Variants in XYLT1 observed in about 807,000 individuals in gnomAD.
The protein encoded by XYLT1 is xylosyltransferase 1.
XYLT1 carries 36 observed loss-of-function variants against 91.3 expected under a neutral mutation model. The ratio of observed to expected loss-of-function variants is 0.39; its 90% CI spans 0.30 to 0.52. XYLT1 has a LOEUF of 0.52. Ranked by LOEUF, XYLT1 falls within the 20% of genes least tolerant of loss-of-function variation. The probability of loss-of-function intolerance (pLI) is 0.68; values close to 1 mark genes in which losing one functional copy is unlikely to be tolerated. For missense variants in XYLT1, 1,242 were observed against 1,284.5 expected, an observed-to-expected ratio of 0.97 and a Z score of 0.51; for synonymous variants, 588 against 532.0, an observed-to-expected ratio of 1.11 and a Z score of -1.45.
intron 2 of XYLT1, among the ~76,000 whole-genome samples, chr16:17,318,315 A>T (rs2034667158): frequency 6.6e-6 from 1 of 152,256 alleles, no homozygotes; most frequent in Admixed American, 6.5e-5. Context: ...CACTCTGCTG[A>T]ATCAGCAGCT....
At chr16:17,432,214 C>T (rs182286227) in intron 1 of XYLT1, among the ~76,000 whole-genome samples, 23 of 152,296 alleles carry the variant, frequency 1.5e-4, no homozygotes, top group Non-Finnish European at 1.5e-5. Flanking sequence ...GAATCCTGCT[C>T]CCAGGAATCT....
chr16:17,340,928 C>T (rs991824332), intron 2 of XYLT1, among the ~76,000 whole-genome samples: 3 of 152,140 alleles, frequency 2.0e-5, no homozygotes, highest in Non-Finnish European at 4.4e-5. Context: ...CTTAGATCCA[C>T]TCATATCTAA....
intron 1 of XYLT1, among the ~76,000 whole-genome samples, chr16:17,416,488 C>T (rs1288694485): frequency 1.3e-5 from 2 of 152,156 alleles, no homozygotes; most frequent in Non-Finnish European, 2.9e-5. Context: ...ACAGAGGGTA[C>T]CTGGGAGGGA....
At chr16:17,459,954 A>G (rs1319515661) in intron 1 of XYLT1, among the ~76,000 whole-genome samples, 1 of 152,210 alleles carries the variant, frequency 6.6e-6, no homozygotes, top group Admixed American at 6.5e-5. Flanking sequence ...GAACACTCCC[A>G]CATTGTGCTG....
chr16:17,421,455 G>A (rs1416684834), intron 1 of XYLT1, among the ~76,000 whole-genome samples: 1 of 152,190 alleles, frequency 6.6e-6, no homozygotes, highest in Non-Finnish European at 1.5e-5. Context: ...GAATATGGCA[G>A]GAGTGATGCT....
chr16:17,328,548 CAAAAAAAAAAAAAA>C (rs71373105), intron 2 of XYLT1, among the ~76,000 whole-genome samples: 3,930 of 51,406 alleles, frequency 0.076, 229 homozygotes, highest in East Asian at 0.22. Context: ...GACTCCTTCT[CAAAAAAAAAAAAAA>C]AAAAAAAAAA....
At chr16:17,153,797 T>G (rs1040248823) in intron 6 of XYLT1, among the ~76,000 whole-genome samples, 44 of 152,148 alleles carry the variant, frequency 2.9e-4, no homozygotes, top group African/African-American at 1.0e-3. Flanking sequence ...ATGCTGACCC[T>G]AGGAAGTAGG....
chr16:17,357,177 A>C (rs1339099072), intron 2 of XYLT1, among the ~76,000 whole-genome samples: 1 of 134,028 alleles, frequency 7.5e-6, no homozygotes, highest in African/African-American at 3.6e-5. Context: ...GGTCTCAAAA[A>C]AAAAAAAAAA....
chr16:17,347,883 G>T (rs2035166583), intron 2 of XYLT1, among the ~76,000 whole-genome samples: 1 of 152,224 alleles, frequency 6.6e-6, no homozygotes, highest in Non-Finnish European at 1.5e-5. Context: ...CCACCCTGGG[G>T]CCTGAAGGGG....
At chr16:17,267,431 G>A (rs536801559) in intron 2 of XYLT1, among the ~76,000 whole-genome samples, 3 of 152,306 alleles carry the variant, frequency 2.0e-5, no homozygotes, top group East Asian at 1.9e-4. Context: ...TGTTTGAGAC[G>A]GAGTCTCGCT....
intron 6 of XYLT1, among the ~76,000 whole-genome samples, chr16:17,152,834 A>G (rs1412506821): frequency 6.6e-6 from 1 of 152,220 alleles, no homozygotes; most frequent in Non-Finnish European, 1.5e-5. Context: ...TATATTTGAA[A>G]TGATAGCTGT....
intron 5 of XYLT1, chr16:17,197,987 A>AT: frequency 1.7e-6 from 1 of 595,346 alleles, no homozygotes; most frequent in South Asian, 2.0e-5. Context: ...GTGCACTGGC[A>AT]TATCAGCTAA....
At chr16:17,442,909 C>A (rs191844462) in intron 1 of XYLT1, among the ~76,000 whole-genome samples, 1 of 152,206 alleles carries the variant, frequency 6.6e-6, no homozygotes, top group Non-Finnish European at 1.5e-5. Context: ...ACATATTCAT[C>A]TCCTAAATGT....
chr16:17,385,225 G>A (rs1358555770), intron 1 of XYLT1, among the ~76,000 whole-genome samples: 1 of 149,296 alleles, frequency 6.7e-6, no homozygotes, highest in Non-Finnish European at 1.5e-5. Flanking sequence ...GTAAATAGAG[G>A]CCCCCGCTGC....
At chr16:17,169,281 G>A (rs1424624562) in intron 5 of XYLT1, among the ~76,000 whole-genome samples, 2 of 152,200 alleles carry the variant, frequency 1.3e-5, no homozygotes, top group African/African-American at 4.8e-5. Flanking sequence ...TTCTACAAAG[G>A]CAGGCAGTAA....
intron 2 of XYLT1, among the ~76,000 whole-genome samples, chr16:17,284,039 C>T (rs2034097569): frequency 6.6e-6 from 1 of 152,218 alleles, no homozygotes; most frequent in Admixed American, 6.5e-5. Flanking sequence ...AGGTTGAGTT[C>T]TGAGCTAAAC....
chr16:17,112,324 T>C (rs1381709309), intron 11 of XYLT1, among the ~76,000 whole-genome samples: 1 of 151,898 alleles, frequency 6.6e-6, no homozygotes, highest in Non-Finnish European at 1.5e-5. Context: ...TTCACTGTCA[T>C]TCATTGGAAC....
chr16:17,362,596 C>A (rs1027208550), intron 1 of XYLT1, among the ~76,000 whole-genome samples: 1 of 152,182 alleles, frequency 6.6e-6, no homozygotes, highest in South Asian at 2.1e-4. Context: ...AGGCTCAAGG[C>A]CAAAGGCTTA....
At chr16:17,275,340 G>A (rs2141778105) in intron 2 of XYLT1, among the ~76,000 whole-genome samples, 1 of 152,330 alleles carries the variant, frequency 6.6e-6, no homozygotes, top group South Asian at 2.1e-4. Context: ...TGTTACTCCT[G>A]TGGGCTGTTA....
Sources: gnomAD v4.1 joint callset for allele counts (sites outside exome capture counted in the v4.1 genomes callset) on GRCh38, gnomAD v4.1.1 for gene constraint, MANE v1.5 for transcripts, NCBI Gene and HGNC (gene_info 2026-07-23, HGNC 2026-07-21) for gene names.